Variants in PID1 observed in about 807,000 individuals in gnomAD.
PID1 encodes phosphotyrosine interaction domain containing 1.
Under a neutral mutation model 19.1 loss-of-function variants are expected in PID1, and 10 were observed. The ratio of observed to expected loss-of-function variants is 0.52; its 90% CI spans 0.32 to 0.89. The LOEUF (loss-of-function observed/expected upper bound fraction) is 0.89, where lower values mean the gene tolerates loss of function less well. Among genes scored for constraint, PID1 ranks in the 40% least tolerant of loss-of-function variants. PID1 has a pLI of 0.03. For synonymous variants in PID1, 130 were observed against 116.0 expected (o/e 1.12, Z -0.78); for missense variants, 248 against 285.3 (o/e 0.87, Z 0.94).
chr2:229,128,859 T>C (rs1689646562), intron 2 of PID1, among the ~76,000 whole-genome samples: 1 of 152,206 alleles, frequency 6.6e-6, no homozygotes, highest in Admixed American at 6.5e-5. Context: ...TAGTCAATAC[T>C]AACTGAATCG....
chr2:229,130,908 C>T (rs1689724925), intron 2 of PID1, among the ~76,000 whole-genome samples: 1 of 152,140 alleles, frequency 6.6e-6, no homozygotes, highest in Non-Finnish European at 1.5e-5. Context: ...TCTCAGAGCT[C>T]CTGGCAGTTA....
At chr2:229,096,070 C>A (rs1487979265) in intron 2 of PID1, among the ~76,000 whole-genome samples, 5 of 152,108 alleles carry the variant, frequency 3.3e-5, no homozygotes, top group Non-Finnish European at 7.4e-5. Context: ...AGAGAAATGT[C>A]CACAGGCAAA....
At chr2:229,233,847 G>A (rs1692268401) in intron 1 of PID1, among the ~76,000 whole-genome samples, 1 of 152,146 alleles carries the variant, frequency 6.6e-6, no homozygotes, top group Non-Finnish European at 1.5e-5. Flanking sequence ...CTACCAGCAT[G>A]TGTCTCAGTT....
intron 1 of PID1, among the ~76,000 whole-genome samples, chr2:229,268,044 T>C (rs1690638183): frequency 6.6e-6 from 1 of 152,202 alleles, no homozygotes; most frequent in Non-Finnish European, 1.5e-5. Context: ...GATCCTATTA[T>C]ATTTTTAATG....
At chr2:229,111,029 A>G (rs1487599840) in intron 2 of PID1, among the ~76,000 whole-genome samples, 1 of 152,062 alleles carries the variant, frequency 6.6e-6, no homozygotes, top group Non-Finnish European at 1.5e-5. Flanking sequence ...GTCTCATGAG[A>G]TCTGATGCTT....
chr2:229,262,632 C>T (rs1690488940), intron 1 of PID1: 1 of 1,540,504 alleles, frequency 6.5e-7, no homozygotes, highest in Non-Finnish European at 8.8e-7. Context: ...GCTGTTGTAA[C>T]AAATAACCAT....
intron 2 of PID1, among the ~76,000 whole-genome samples, chr2:229,036,245 G>A (rs1433044275): frequency 6.6e-6 from 1 of 152,180 alleles, no homozygotes; most frequent in African/African-American, 2.4e-5. Flanking sequence ...CTTGGTCTCA[G>A]CTCAGAGCAG....
chr2:229,036,322 T>G (rs1412563149), intron 2 of PID1, among the ~76,000 whole-genome samples: 1 of 152,202 alleles, frequency 6.6e-6, no homozygotes, highest in East Asian at 1.9e-4. Context: ...GGCTTCTGTG[T>G]GTCATCCTCA....
intron 1 of PID1, among the ~76,000 whole-genome samples, chr2:229,210,037 CT>C (rs1691692686): frequency 1.3e-5 from 2 of 151,794 alleles, no homozygotes; most frequent in East Asian, 1.9e-4. Context: ...AAGGTCATTA[CT>C]TTTTATAAAG....
intron 1 of PID1, among the ~76,000 whole-genome samples, chr2:229,262,129 C>CTACAG (rs1179874392): frequency 2.6e-5 from 4 of 152,188 alleles, no homozygotes; most frequent in Non-Finnish European, 5.9e-5. Flanking sequence ...CCCAGAGAGC[C>CTACAG]TACAGGGACT....
At chr2:229,085,893 G>GA (rs1187729462) in intron 2 of PID1, among the ~76,000 whole-genome samples, 2 of 152,168 alleles carry the variant, frequency 1.3e-5, no homozygotes, top group African/African-American at 4.8e-5. Flanking sequence ...TAAAGCTTCT[G>GA]AAAAATCAGT....
At chr2:229,121,360 G>A (rs1428135399) in intron 2 of PID1, among the ~76,000 whole-genome samples, 2 of 152,054 alleles carry the variant, frequency 1.3e-5, no homozygotes, top group Non-Finnish European at 2.9e-5. Context: ...TCATTGCAAG[G>A]GCTAAACCTT....
chr2:229,091,570 G>T (rs1206374520), intron 2 of PID1, among the ~76,000 whole-genome samples: 2 of 152,062 alleles, frequency 1.3e-5, no homozygotes, highest in African/African-American at 4.8e-5. Flanking sequence ...TCTAAAAGAG[G>T]CCCTAAAGAG....
chr2:229,041,356 A>G (rs1693767299), intron 2 of PID1, among the ~76,000 whole-genome samples: 1 of 152,200 alleles, frequency 6.6e-6, no homozygotes, highest in African/African-American at 2.4e-5. Context: ...TAGACCATCA[A>G]AGTAAATTAT....
At chr2:229,160,031 T>C (rs1194890838) in intron 1 of PID1, among the ~76,000 whole-genome samples, 1 of 152,176 alleles carries the variant, frequency 6.6e-6, no homozygotes, top group Non-Finnish European at 1.5e-5. Context: ...GCTCCAAATG[T>C]GAGGTTTGAG....
intron 2 of PID1, among the ~76,000 whole-genome samples, chr2:229,128,890 G>A (rs1465709137): frequency 6.6e-6 from 1 of 152,174 alleles, no homozygotes; most frequent in Non-Finnish European, 1.5e-5. Context: ...AATACAGAGT[G>A]CAATTGGATT....
At chr2:229,225,593 C>A (rs1692060861) in intron 1 of PID1, among the ~76,000 whole-genome samples, 1 of 141,040 alleles carries the variant, frequency 7.1e-6, no homozygotes, top group Middle Eastern at 3.4e-3. Context: ...CTCTACTGAA[C>A]CCTTTTCAGG....
intron 1 of PID1, among the ~76,000 whole-genome samples, chr2:229,248,100 G>A (rs1486552948): frequency 6.6e-6 from 1 of 151,908 alleles, no homozygotes; most frequent in Admixed American, 6.6e-5. Flanking sequence ...TATTTCCTAA[G>A]AACAAGAACA....
At chr2:229,243,756 G>A (rs1381996566) in intron 1 of PID1, among the ~76,000 whole-genome samples, 1 of 152,064 alleles carries the variant, frequency 6.6e-6, no homozygotes, top group Non-Finnish European at 1.5e-5. Context: ...AGGAGGCTTA[G>A]TATTAATCTC....
Sources: allele counts gnomAD v4.1 joint callset (sites outside exome capture counted in the v4.1 genomes callset), GRCh38; gene constraint gnomAD v4.1.1; transcripts MANE v1.5; gene names NCBI Gene and HGNC (gene_info 2026-07-23, HGNC 2026-07-21).